CSMD1: variants seen among roughly 807,000 people sequenced by gnomAD.
CSMD1 encodes the protein CUB and sushi domain-containing protein 1.
CSMD1 carries 213 observed loss-of-function variants against 417.5 expected under a neutral mutation model. That is an observed-to-expected ratio of 0.51 (90% confidence interval 0.46 to 0.57). CSMD1 has a LOEUF of 0.57. Ranked by LOEUF, CSMD1 falls within the 20% of genes least tolerant of loss-of-function variation. CSMD1 has a pLI of 0.00. For missense variants in CSMD1, 6,923 were observed against 4,529.7 expected, an observed-to-expected ratio of 1.53 and a Z score of -15.17; for synonymous variants, 2,862 against 1,736.8, an observed-to-expected ratio of 1.65 and a Z score of -16.11.
chr8:4,875,146 T>C (rs1802970139), intron 1 of CSMD1, among the ~76,000 whole-genome samples: 1 of 151,950 alleles, frequency 6.6e-6, no homozygotes, highest in Non-Finnish European at 1.5e-5. Flanking sequence ...TAAGGTAGTA[T>C]GTGCTCTGCC....
intron 26 of CSMD1, among the ~76,000 whole-genome samples, chr8:3,258,274 CATG>C (rs1213068140): frequency 6.6e-6 from 1 of 152,108 alleles, no homozygotes; most frequent in Non-Finnish European, 1.5e-5. Flanking sequence ...CCCATTAAAA[CATG>C]GACAAAGGAC....
intron 1 of CSMD1, among the ~76,000 whole-genome samples, chr8:4,819,792 A>C (rs1054869839): frequency 3.9e-5 from 6 of 152,040 alleles, no homozygotes; most frequent in Admixed American, 3.9e-4. Flanking sequence ...GTCAATGCTA[A>C]GGGTGGGGCT....
chr8:3,670,247 A>G lies in CSMD1; in HGVS notation c.1009+38167T>C, dbSNP rs147436411. ...GAGAATACAAAGCAGGCGGAAAAAT[A>G]TGAAAAGGTCAGACTGGCCTAGCCT... On this transcript the variant is annotated intron_variant, in intron 7 of 69. Coordinates refer to ENST00000635120, the MANE Select transcript of CSMD1 (RefSeq NM_033225.6). Among the ~76,000 whole-genome samples, 1,237 of 152,060 alleles carry G rather than the reference A, an allele frequency of 8.1e-3. 5 individuals are homozygous for G. The highest frequency in any genetic ancestry group is 0.015 in the African/African-American group (631 of 41,450).
intron 3 of CSMD1, among the ~76,000 whole-genome samples, chr8:4,108,402 A>C (rs959607994): frequency 2.0e-5 from 3 of 152,206 alleles, no homozygotes; most frequent in Non-Finnish European, 4.4e-5. Flanking sequence ...GACCATGTTC[A>C]TAGCATACGA....
Position 4,125,664 on chromosome 8 carries a change from C to G in CSMD1, c.416-93565G>C, listed in dbSNP as rs1174473579. ...CTAACCAACTCTATGTTGCTTCTAACCTTTAAGTTGTCCTTGTTCATTCCT... is the reference window on the plus strand; with the variant it reads ...CTAACCAACTCTATGTTGCTTCTAAGCTTTAAGTTGTCCTTGTTCATTCCT... On this transcript the variant is annotated intron_variant, in intron 3 of 69. Transcript: ENST00000635120. Among the ~76,000 whole-genome samples, 4 of 152,274 alleles carry G rather than the reference C, an allele frequency of 2.6e-5. No individual in the cohort carries two copies. The East Asian group carries it at 7.7e-4, about 29-fold the overall frequency.
At chr8:3,976,801 A>C (rs945901306) in intron 5 of CSMD1, among the ~76,000 whole-genome samples, 2 of 152,192 alleles carry the variant, frequency 1.3e-5, no homozygotes, top group Non-Finnish European at 2.9e-5. Flanking sequence ...TCAAGGTCGC[A>C]TGCCTGTAGA....
intron 3 of CSMD1, among the ~76,000 whole-genome samples, chr8:4,410,307 G>C (rs571313356): frequency 7.2e-5 from 11 of 152,102 alleles, no homozygotes; most frequent in Admixed American, 6.6e-5. Context: ...GGTAATGAGC[G>C]CTTAGTCACC....
chr8:3,393,252 A>C (rs143605785), intron 17 of CSMD1, among the ~76,000 whole-genome samples: 2,784 of 152,292 alleles, frequency 0.018, 79 homozygotes, highest in African/African-American at 0.063. Flanking sequence ...ACAGTGCTGG[A>C]AAGTTCCAAA....
intron 1 of CSMD1, among the ~76,000 whole-genome samples, chr8:4,663,491 G>T (rs1429648768): frequency 2.0e-5 from 3 of 152,090 alleles, no homozygotes; most frequent in Admixed American, 1.3e-4. Flanking sequence ...ATTGAATCAT[G>T]GGCACAGATA....
At chr8:4,815,997 AC>A (rs1219222484) in intron 1 of CSMD1, among the ~76,000 whole-genome samples, 1 of 152,156 alleles carries the variant, frequency 6.6e-6, no homozygotes, top group Non-Finnish European at 1.5e-5. Context: ...AATGAAAAGT[AC>A]AAAAATGTCA....
intron 1 of CSMD1, among the ~76,000 whole-genome samples, chr8:4,797,394 C>G (rs943204176): frequency 6.6e-6 from 1 of 152,158 alleles, no homozygotes; most frequent in African/African-American, 2.4e-5. Flanking sequence ...ATCTAGGGAT[C>G]AAGCTGCCAC....
intron 12 of CSMD1, among the ~76,000 whole-genome samples, chr8:3,417,658 G>C (rs1337846563): frequency 3.0e-5 from 4 of 133,760 alleles, no homozygotes; most frequent in African/African-American, 1.1e-4. Context: ...TCGCTGAAGA[G>C]AGAGTGAGTA....
At chr8:3,161,920 T>C (rs1312709834) in intron 38 of CSMD1, among the ~76,000 whole-genome samples, 2 of 152,346 alleles carry the variant, frequency 1.3e-5, no homozygotes, top group East Asian at 1.9e-4. Flanking sequence ...GGAACGCATA[T>C]ATTTTGAAAT....
intron 2 of CSMD1, among the ~76,000 whole-genome samples, chr8:4,432,525 A>G: frequency 6.6e-6 from 1 of 152,290 alleles, no homozygotes; most frequent in East Asian, 1.9e-4. Context: ...CGGAGTGTGA[A>G]AACACTGTAT....
intron 26 of CSMD1, among the ~76,000 whole-genome samples, chr8:3,252,899 G>A (rs565628700): frequency 1.6e-4 from 24 of 152,154 alleles, no homozygotes; most frequent in African/African-American, 4.6e-4. Context: ...CTGTGGGATC[G>A]GTGGTGATAT....
intron 3 of CSMD1, among the ~76,000 whole-genome samples, chr8:4,290,020 C>T (rs996417049): frequency 2.6e-5 from 4 of 152,160 alleles, no homozygotes; most frequent in South Asian, 4.1e-4. Context: ...GCACTCTGTG[C>T]ACTGCAACTG....
chr8:3,705,654 C>A (rs1801126660), intron 7 of CSMD1, among the ~76,000 whole-genome samples: 2 of 152,348 alleles, frequency 1.3e-5, no homozygotes, highest in South Asian at 4.1e-4. Flanking sequence ...AGACCCTGAG[C>A]TAGACATTTT....
chr8:3,401,819 G>C (rs1015397582), intron 15 of CSMD1, among the ~76,000 whole-genome samples: 6 of 152,212 alleles, frequency 3.9e-5, no homozygotes, highest in Admixed American at 3.3e-4. Context: ...CAAGATTCAA[G>C]AAAAGACATT....
intron 1 of CSMD1, among the ~76,000 whole-genome samples, chr8:4,879,651 T>G (rs1273184178): frequency 3.3e-5 from 5 of 152,002 alleles, no homozygotes; most frequent in Non-Finnish European, 1.5e-5. Flanking sequence ...TAGGAAAGTC[T>G]GAGATAAACT....
Sources: allele counts gnomAD v4.1 joint callset (sites outside exome capture counted in the v4.1 genomes callset), GRCh38; gene constraint gnomAD v4.1.1; transcripts MANE v1.5; gene names NCBI Gene and HGNC (gene_info 2026-07-23, HGNC 2026-07-21).